The following ATP9B variants were observed in gnomAD, a reference collection of about 807,000 sequenced individuals.
The protein encoded by ATP9B is ATPase phospholipid transporting 9B.
A neutral mutation model predicts 146.1 loss-of-function variants in ATP9B; 110 were observed. The ratio of observed to expected loss-of-function variants is 0.75; its 90% CI spans 0.65 to 0.88. ATP9B has a LOEUF of 0.88. Among genes scored for constraint, ATP9B ranks in the 40% least tolerant of loss-of-function variants. The probability of loss-of-function intolerance (pLI) is 0.00; values close to 1 mark genes in which losing one functional copy is unlikely to be tolerated. For synonymous variants in ATP9B, 604 were observed against 569.7 expected, an observed-to-expected ratio of 1.06 and a Z score of -0.86; for missense variants, 1,499 against 1,496.4, an observed-to-expected ratio of 1.00 and a Z score of -0.03.
intron 12 of ATP9B, among the ~76,000 whole-genome samples, chr18:79,256,284 T>TATATATATAC (rs1217998447): frequency 6.5e-5 from 8 of 122,880 alleles, no homozygotes; most frequent in Non-Finnish European, 1.3e-4. Context: ...TATATATATA[T>TATATATATAC]ATACATACAT....
chr18:79,349,632 C>T (rs2096911183), intron 25 of ATP9B, among the ~76,000 whole-genome samples: 1 of 152,232 alleles, frequency 6.6e-6, no homozygotes, highest in Admixed American at 6.5e-5. Flanking sequence ...AGGGAAATAT[C>T]AGTCTGTGCG....
rs1379331696 is a variant in ATP9B at position 79,154,505 on chromosome 18, ATCAAAGAAT to A, written c.731_739del (p.Gln244_Ile246del). The A allele has an allele frequency of 2.6e-6, 4 of 1,537,098 alleles. No individual in the cohort carries two copies. Among genetic ancestry groups the A allele is most frequent in the Non-Finnish European group, 2.6e-6 (3 of 1,150,428 alleles). On this transcript the variant is annotated inframe_deletion and splice_region_variant, in exon 7 of 30. Coordinates refer to ENST00000426216, the MANE Select transcript of ATP9B (RefSeq NM_198531.5). ...AATCTTTTATAATGCTCTTTGCAGAATCAAAGAATTCCATCGGACATGGTGTTTCTTAGG... is the reference window on the plus strand; with the variant it reads ...AATCTTTTATAATGCTCTTTGCAGAATCCATCGGACATGGTGTTTCTTAGG...
intron 15 of ATP9B, among the ~76,000 whole-genome samples, chr18:79,328,063 G>C (rs959067446): frequency 6.8e-6 from 1 of 147,176 alleles, no homozygotes; most frequent in Non-Finnish European, 1.5e-5. Flanking sequence ...TCTGGTTAGC[G>C]TGCTCTCCGT....
At chr18:79,306,252 T>C (rs2096619689) in intron 14 of ATP9B, among the ~76,000 whole-genome samples, 1 of 152,178 alleles carries the variant, frequency 6.6e-6, no homozygotes, top group Non-Finnish European at 1.5e-5. Flanking sequence ...CCTGTTGGGG[T>C]TGGGGGGAGT....
Position 79,339,756 on chromosome 18 carries a change from GTATCA to G in ATP9B, c.2283+2312_2283+2316del, listed in dbSNP as rs1359675889. Among the ~76,000 whole-genome samples the G allele has an allele frequency of 5.9e-5, 9 of 151,348 alleles. No homozygotes were observed. The East Asian group carries it at 1.8e-3, about 30-fold the overall frequency. The stretch of plus-strand genomic sequence containing the variant: ...GCAGTAGGAAGTGTGTCATGAGGCT[GTATCA>G]TATCCATCTGAGATCGCAGTAGGAA... On this transcript the variant is annotated intron_variant, in intron 19 of 29. Coordinates refer to ENST00000426216, the MANE Select transcript of ATP9B (RefSeq NM_198531.5).
At chr18:79,106,345 C>A (rs1327409464) in intron 2 of ATP9B, among the ~76,000 whole-genome samples, 1 of 152,196 alleles carries the variant, frequency 6.6e-6, no homozygotes, top group Non-Finnish European at 1.5e-5. Context: ...AAAAATTCCC[C>A]ATATTTCATT....
intron 5 of ATP9B, among the ~76,000 whole-genome samples, chr18:79,129,781 T>C (rs1326614432): frequency 3.3e-5 from 5 of 152,136 alleles, no homozygotes; most frequent in African/African-American, 9.7e-5. Flanking sequence ...TTTTGCTCTG[T>C]TGCCCAGGCT....
chr18:79,300,058 C>T (rs1219396929), intron 13 of ATP9B: 1 of 152,210 alleles, frequency 6.6e-6, no homozygotes, highest in Non-Finnish European at 1.5e-5. Context: ...TGTTTGTCTT[C>T]GGAAATAGCA....
At chr18:79,205,846 G>A (rs2095528742) in intron 9 of ATP9B, among the ~76,000 whole-genome samples, 1 of 152,096 alleles carries the variant, frequency 6.6e-6, no homozygotes, top group Admixed American at 6.6e-5. Flanking sequence ...TGATACTGAT[G>A]TGTGGCCATA....
At chr18:79,317,603 C>T (rs1032774507) in intron 15 of ATP9B, among the ~76,000 whole-genome samples, 36 of 152,016 alleles carry the variant, frequency 2.4e-4, no homozygotes, top group African/African-American at 8.2e-4. Context: ...ATGATAATAG[C>T]CAAAAGTCAA....
chr18:79,326,654 A>C (rs1477864901), intron 15 of ATP9B, among the ~76,000 whole-genome samples: 1 of 152,236 alleles, frequency 6.6e-6, no homozygotes, highest in Non-Finnish European at 1.5e-5. Flanking sequence ...CTGCTGTGTC[A>C]AGTTCAAAGC....
intron 11 of ATP9B, among the ~76,000 whole-genome samples, chr18:79,227,768 A>G (rs1402237399): frequency 6.6e-6 from 1 of 151,806 alleles, no homozygotes; most frequent in Non-Finnish European, 1.5e-5. Flanking sequence ...CCTTCCCGGG[A>G]GGTTCTAACT....
At chr18:79,359,918 A>G (rs1288988368) in intron 26 of ATP9B, 1 of 177,294 alleles carries the variant, frequency 5.6e-6, no homozygotes, top group African/African-American at 2.3e-5. Context: ...GTTTGTCAGT[A>G]GTTGTGGATT....
chr18:79,336,164 T>TCC (rs2096824992), intron 17 of ATP9B, among the ~76,000 whole-genome samples: 1 of 127,796 alleles, frequency 7.8e-6, no homozygotes, highest in South Asian at 2.8e-4. Context: ...GTGTGCACCC[T>TCC]CTGTGCCCTC....
At chr18:79,288,934 A>G (rs1342424204) in intron 13 of ATP9B, among the ~76,000 whole-genome samples, 2 of 152,190 alleles carry the variant, frequency 1.3e-5, no homozygotes, top group Non-Finnish European at 2.9e-5. Context: ...AGCATGTTGA[A>G]TATTGGCCCC....
chr18:79,293,222 A>C (rs2096524606), intron 13 of ATP9B, among the ~76,000 whole-genome samples: 1 of 151,836 alleles, frequency 6.6e-6, no homozygotes, highest in South Asian at 2.1e-4. Context: ...CCTAAATACA[A>C]ACACTAAAAT....
chr18:79,127,507 C>T lies in ATP9B; in HGVS notation c.667+1132C>T, dbSNP rs139482416. On this transcript the variant is annotated intron_variant, in intron 5 of 29. Transcript: ENST00000426216. The stretch of plus-strand genomic sequence containing the variant: ...CAGCTGCTTTCACTGGACATGTTTT[C>T]AAGGTTCATCTGGTAGTAGCATTCA... Among the ~76,000 whole-genome samples the T allele has an allele frequency of 1.8e-3, 269 of 152,316 alleles. 4 individuals carry two copies. The highest frequency in any genetic ancestry group is 6.0e-3 in the African/African-American group (251 of 41,566).
intron 25 of ATP9B, 52 bp downstream of exon 25, chr18:79,348,248 GAAAAAAAAAAAA>G (rs56654324): frequency 1.9e-5 from 16 of 827,718 alleles, no homozygotes; most frequent in African/African-American, 1.7e-4. Context: ...CTTCTATTTT[GAAAAAAAAAAAA>G]AAAAAAAAAC....
intron 1 of ATP9B, among the ~76,000 whole-genome samples, chr18:79,090,868 C>G (rs1409083034): frequency 6.6e-6 from 1 of 152,094 alleles, no homozygotes; most frequent in Non-Finnish European, 1.5e-5. Flanking sequence ...GACCATTGTC[C>G]TGGAGATTTC....
Sources: allele counts gnomAD v4.1 joint callset (sites outside exome capture counted in the v4.1 genomes callset), GRCh38; gene constraint gnomAD v4.1.1; transcripts MANE v1.5; gene names NCBI Gene and HGNC (gene_info 2026-07-23, HGNC 2026-07-21).